Variants in UGT2A1 observed in about 807,000 individuals in gnomAD.
UGT2A1 encodes UDP-glucuronosyltransferase 2A1.
A neutral mutation model predicts 45.4 loss-of-function variants in UGT2A1; 61 were observed. The observed-to-expected ratio is 1.34, with a 90% CI of 1.09 to 1.66. UGT2A1 has a LOEUF of 1.66. Ranked by LOEUF, UGT2A1 falls within the 40% of genes most tolerant of loss-of-function variation. The pLI is 0.00. For synonymous variants in UGT2A1, 229 were observed against 196.2 expected, an observed-to-expected ratio of 1.17 and a Z score of -1.40; for missense variants, 649 against 574.3, an observed-to-expected ratio of 1.13 and a Z score of -1.33.
chr4:69,595,177 G>T lies in UGT2A1; in HGVS notation c.1069C>A (p.Gln357Lys), dbSNP rs745551027. 1.1e-5 allele frequency: 18 copies of T among 1,613,774 alleles called. No homozygotes were observed. The highest frequency in any genetic ancestry group is 1.5e-5 in the Non-Finnish European group (18 of 1,179,860). ...NNTQLFDWIP[Q>K]NDLLGHPKTK... ...ACAGTCTTACCAAGAAGATCATTCT[G>T]GGGTATCCAATCAAAGAGCTGAGTA... Residue 357 changes from glutamine to lysine, a missense_variant, in exon 5 of 7, where the codon CAG becomes AAG. Transcript: ENST00000286604.
At chr4:69,620,871 T>TGACAAAACC (rs1228983613) in intron 3 of UGT2A1, among the ~76,000 whole-genome samples, 1 of 151,802 alleles carries the variant, frequency 6.6e-6, no homozygotes, top group East Asian at 1.9e-4. Context: ...TCTACAAAAC[T>TGACAAAACC]GACAAAACCG....
chr4:69,626,702 A>G (rs1304521495), intron 3 of UGT2A1, among the ~76,000 whole-genome samples: 2 of 151,820 alleles, frequency 1.3e-5, no homozygotes, highest in Non-Finnish European at 2.9e-5. Context: ...AAAAATTTTC[A>G]TTATTCATTT....
rs746099029 is a variant in UGT2A1, at chr4:69,639,023, T to G, written c.716-3201A>C. ...AGGTCATCTGGTCAGTGAGCTCTGA[T>G]AAGGCTGCCGGTACATAGGAGACTG... is the stretch of plus-strand genomic sequence containing the variant. On this transcript the variant is annotated intron_variant, in intron 2 of 6. Coordinates refer to ENST00000286604, the MANE Select transcript of UGT2A1 (RefSeq NM_001252275.3). 14 of 1,613,276 alleles carry G rather than the reference T, an allele frequency of 8.7e-6. No individual in the cohort carries two copies. In the South Asian group the frequency reaches 1.3e-4, roughly 15 times the overall value.
chr4:69,604,763 T>C (rs1246265290), intron 3 of UGT2A1, among the ~76,000 whole-genome samples: 1 of 135,674 alleles, frequency 7.4e-6, no homozygotes, highest in African/African-American at 3.0e-5. Flanking sequence ...AAGGCAGGGG[T>C]TGCAATCCTA....
At chr4:69,600,942 A>C (rs1226617161) in intron 3 of UGT2A1, among the ~76,000 whole-genome samples, 1 of 152,126 alleles carries the variant, frequency 6.6e-6, no homozygotes. Context: ...CACTTCCAAC[A>C]TTGGGGATCA....
At position 69,608,850 on chromosome 4, in the gene UGT2A1, C is replaced by G. The variant is rs1719848630; in HGVS notation, c.848-9456G>C. Among the ~76,000 whole-genome samples, 4 of 152,088 alleles carry G rather than the reference C, an allele frequency of 2.6e-5. No homozygotes were observed. In the South Asian group the frequency reaches 8.3e-4, roughly 32 times the overall value. ...AGCTGGGACCACAGGCACATGCCAC[C>G]ATGTCCAGTAATTTTTGTAAAAAAT... is the stretch of plus-strand genomic sequence containing the variant. On this transcript the variant is annotated intron_variant, in intron 3 of 6. Coordinates refer to ENST00000286604, the MANE Select transcript of UGT2A1 (RefSeq NM_001252275.3).
intron 3 of UGT2A1, among the ~76,000 whole-genome samples, chr4:69,602,463 T>TCTATC (rs571248320): frequency 3.0e-5 from 3 of 100,830 alleles, no homozygotes; most frequent in African/African-American, 7.9e-5. Flanking sequence ...ATTTAGGAGT[T>TCTATC]TATCTATCTA....
chr4:69,620,083 A>G (rs1720654231), intron 3 of UGT2A1, among the ~76,000 whole-genome samples: 1 of 152,074 alleles, frequency 6.6e-6, no homozygotes, highest in Non-Finnish European at 1.5e-5. Context: ...AAAGACAAGT[A>G]TGCCCTCTCT....
rs1721169248 is a variant in UGT2A1 at position 69,627,709 on chromosome 4, A to T, written c.847+7982T>A. Among the ~76,000 whole-genome samples, 3 of 152,044 alleles carry T rather than the reference A, an allele frequency of 2.0e-5. No individual in the cohort carries two copies. The South Asian group carries it at 6.2e-4, about 32-fold the overall frequency. On this transcript the variant is annotated intron_variant, in intron 3 of 6. Coordinates refer to ENST00000286604, the MANE Select transcript of UGT2A1 (RefSeq NM_001252275.3). ...TATTTAAGGTTCATAAACACTCATG[A>T]ATACAAAGGCAAGTGTCCCTGTATC... is the stretch of plus-strand genomic sequence containing the variant.
chr4:69,591,291 A>T (rs898183004), intron 6 of UGT2A1, among the ~76,000 whole-genome samples: 1 of 152,224 alleles, frequency 6.6e-6, no homozygotes, highest in Admixed American at 6.5e-5. Context: ...GGCATAAGAC[A>T]TTAATCAAAT....
chr4:69,592,991 G>C (rs1035878931), intron 6 of UGT2A1, among the ~76,000 whole-genome samples: 1 of 152,044 alleles, frequency 6.6e-6, no homozygotes, highest in African/African-American at 2.4e-5. Context: ...AAAGCAAAAA[G>C]ATACAACAGT....
Position 69,594,557 on chromosome 4 carries a change from T to C in UGT2A1, c.1224A>G (p.Gly408=), listed in dbSNP as rs1420674569. Residue 408 remains glycine (G), a synonymous_variant, in exon 6 of 7, where the codon GGA becomes GGG. Transcript: ENST00000286604. ...TGTTTAGGTTCACTTCCACAGCTGCTCCTTTGGCCTTCATGTGAGCAATGT... is the reference window on the plus strand; with the variant it reads ...TGTTTAGGTTCACTTCCACAGCTGCCCCTTTGGCCTTCATGTGAGCAATGT... The part of the protein sequence containing the change: ...PDNIAHMKAK[G]AAVEVNLNTM... The C allele has an allele frequency of 2.3e-5, 37 of 1,614,144 alleles. No homozygotes were observed. The highest frequency in any genetic ancestry group is 3.1e-5 in the Non-Finnish European group (37 of 1,180,034).
rs201309430 is a variant in UGT2A1, at chr4:69,594,499, T to A, written c.1282A>T (p.Arg428Ter). Residue 428 changes from arginine to a stop codon, truncating the protein, a stop_gained, in exon 6 of 7, where the codon AGA becomes TGA. Coordinates refer to ENST00000286604, the MANE Select transcript of UGT2A1 (RefSeq NM_001252275.3). LOFTEE classifies it high-confidence loss of function. ...TACGAAGGTTCATTAATGACTGTTCTCAAAGCGCTAAGCAAATCCACACTT... is the reference window on the plus strand; with the variant it reads ...TACGAAGGTTCATTAATGACTGTTCACAAAGCGCTAAGCAAATCCACACTT... ...MTSVDLLSAL[R>*]TVINEPSYKE... The A allele has an allele frequency of 5.8e-5, 94 of 1,614,072 alleles. No homozygotes were observed. Among genetic ancestry groups the A allele is most frequent in the Middle Eastern group, 1.6e-4 (1 of 6,082 alleles).
intron 3 of UGT2A1, among the ~76,000 whole-genome samples, chr4:69,607,503 G>T (rs1719716110): frequency 6.6e-6 from 1 of 151,700 alleles, no homozygotes; most frequent in African/African-American, 2.4e-5. Flanking sequence ...CAGGACATAG[G>T]CATGGGCAAG....
rs756442314 is a variant in UGT2A1 at position 69,647,514 on chromosome 4, A to G, written c.131T>C (p.Ile44Thr). The G allele has an allele frequency of 2.0e-5, 33 of 1,612,900 alleles. No homozygotes were observed. Among genetic ancestry groups the G allele is most frequent in the Non-Finnish European group, 2.7e-5 (32 of 1,179,336 alleles). Residue 44 changes from isoleucine to threonine, a missense_variant, in exon 2 of 7, where the codon ATT becomes ACT. Ile to Thr is a moderately conservative substitution (Grantham distance 89). Coordinates refer to ENST00000286604, the MANE Select transcript of UGT2A1 (RefSeq NM_001252275.3). ...GACAGTCACATTATGCTCCTTTTTAATGAGCTCATCTATAATTATCTTAAC... is the reference window on the plus strand; with the variant it reads ...GACAGTCACATTATGCTCCTTTTTAGTGAGCTCATCTATAATTATCTTAAC... ...LNVKIIIDEL[I>T]KKEHNVTVLV... is the part of the protein sequence containing the mutation.
At chr4:69,637,565 A>C (rs1721780963) in intron 2 of UGT2A1, among the ~76,000 whole-genome samples, 1 of 152,028 alleles carries the variant, frequency 6.6e-6, no homozygotes, top group Non-Finnish European at 1.5e-5. Context: ...CACTTCCCTC[A>C]GGTCTTTGGC....
chr4:69,627,532 GAA>G (rs1553906766), intron 3 of UGT2A1, among the ~76,000 whole-genome samples: 24 of 85,564 alleles, frequency 2.8e-4, no homozygotes, highest in African/African-American at 5.8e-4. Flanking sequence ...AAGAAAGAAA[GAA>G]AGAGAGAGAG....
At chr4:69,598,728 T>C (rs569104350) in intron 4 of UGT2A1, among the ~76,000 whole-genome samples, 51 of 152,222 alleles carry the variant, frequency 3.4e-4, no homozygotes, top group African/African-American at 1.2e-3. Context: ...TTTAACCAAT[T>C]GTTTCCTAAC....
At chr4:69,594,770 C>A in intron 5 of UGT2A1, 74 bp from the exon 6 acceptor site, 2 of 1,494,494 alleles carry the variant, frequency 1.3e-6, no homozygotes, top group South Asian at 2.5e-5. Context: ...CAGAAGGGGT[C>A]AAAAAGCTGT....
Sources: gnomAD v4.1 joint callset for allele counts (sites outside exome capture counted in the v4.1 genomes callset) on GRCh38, gnomAD v4.1.1 for gene constraint, MANE v1.5 for transcripts, NCBI Gene and HGNC (gene_info 2026-07-23, HGNC 2026-07-21) for gene names.